CEP89: variants seen among roughly 807,000 people sequenced by gnomAD.
CEP89 encodes centrosomal protein of 89 kDa.
In CEP89, 95 loss-of-function variants were observed where a neutral mutation model predicts 97.6. The observed-to-expected ratio is 0.97, with a 90% CI of 0.82 to 1.15. The LOEUF (loss-of-function observed/expected upper bound fraction) is 1.15. Among genes scored for constraint, CEP89 ranks in the 50% most tolerant of loss-of-function variants. The pLI is 0.00. For missense variants in CEP89, 869 were observed against 947.7 expected (o/e 0.92, Z 1.09); for synonymous variants, 354 against 349.1 (o/e 1.01, Z -0.16).
rs570239931 is a variant in CEP89 at position 32,920,214 on chromosome 19, G to A, written c.1269-1875C>T. 2.3e-4 allele frequency among the ~76,000 whole-genome samples: 35 copies of A among 151,800 alleles called. 1 individual carries two copies. In the South Asian group the frequency reaches 7.1e-3, roughly 31 times the overall value. The stretch of plus-strand genomic sequence containing the variant: ...CATCACGCCCAGCTAATTTTTAATT[G>A]TTTTGTTTTTGTTTTTGTTTTTTTG... On this transcript the variant is annotated intron_variant, in intron 12 of 18. Transcript: ENST00000305768.
At position 32,953,762 on chromosome 19, in the gene CEP89, C is replaced by T. The variant is rs1282537842; in HGVS notation, c.345G>A (p.Leu115=). 6.2e-7 allele frequency: 1 copy of T among 1,613,886 alleles called. No individual in the cohort carries two copies. The highest frequency in any genetic ancestry group is 1.1e-5 in the South Asian group (1 of 91,074). The change falls in exon 4 of 19, where the codon TTG becomes TTA. Residue 115 remains leucine, a synonymous_variant. Coordinates refer to ENST00000305768, the MANE Select transcript of CEP89 (RefSeq NM_032816.5). ...CATAGTCCAGTGTTTCAAAGGATGG[C>T]AAAGAAGATCTTCTTCCCATCTCAC... is the stretch of plus-strand genomic sequence containing the variant. The part of the protein sequence containing the change: ...WQSEMGRRSS[L]PSFETLDYGD...
At chr19:32,914,852 T>C (rs926636508) in intron 14 of CEP89, among the ~76,000 whole-genome samples, 2 of 151,850 alleles carry the variant, frequency 1.3e-5, no homozygotes, top group Admixed American at 6.6e-5. Flanking sequence ...TGAAACCCCG[T>C]CTCTACCAAA....
intron 5 of CEP89, 78 bp downstream of exon 5, chr19:32,948,188 G>T: frequency 1.3e-6 from 1 of 768,426 alleles, no homozygotes; most frequent in Non-Finnish European, 2.1e-6. Context: ...CAATGGGTAT[G>T]TTTTCCTAAA....
chr19:32,919,496 C>T (rs541544562), intron 12 of CEP89, among the ~76,000 whole-genome samples: 1 of 152,308 alleles, frequency 6.6e-6, no homozygotes, highest in East Asian at 1.9e-4. Flanking sequence ...GTGGCCCCAA[C>T]AGTGGTGTGC....
rs1599778389 is a variant in CEP89, at chr19:32,958,015, C to T, written c.305+1885G>A. ...TGTGTCAAAACAAAACAAAAAAATC[C>T]CCCCCCCGCCAAAAAATAAAATACA... On this transcript the variant is annotated intron_variant, in intron 3 of 18. Transcript: ENST00000305768. Among the ~76,000 whole-genome samples the T allele has an allele frequency of 1.3e-5, 2 of 148,474 alleles. 1 individual carries two copies. Among genetic ancestry groups the T allele is most frequent in the South Asian group, 4.2e-4 (2 of 4,718 alleles).
chr19:32,942,825 G>T (rs963527397), intron 5 of CEP89, among the ~76,000 whole-genome samples: 7 of 151,542 alleles, frequency 4.6e-5, no homozygotes, highest in Non-Finnish European at 7.4e-5. Context: ...TGCATACAAG[G>T]TGTCATGCTG....
Position 32,890,525 on chromosome 19 carries a change from G to A in CEP89, c.1876-2684C>T, listed in dbSNP as rs539903300. On this transcript the variant is annotated intron_variant, in intron 16 of 18. Coordinates refer to ENST00000305768, the MANE Select transcript of CEP89 (RefSeq NM_032816.5). ...CCAAAACAGGAGTCAGTCATCGCACGGAGAACATCTAACGGAGACCACGGG... is the reference window on the plus strand; with the variant it reads ...CCAAAACAGGAGTCAGTCATCGCACAGAGAACATCTAACGGAGACCACGGG... Among the ~76,000 whole-genome samples, 13 of 152,294 alleles carry A rather than the reference G, an allele frequency of 8.5e-5. No homozygotes were observed. In the South Asian group the frequency reaches 1.9e-3, roughly 22 times the overall value.
At chr19:32,893,047 T>C (rs1969566809) in intron 16 of CEP89, among the ~76,000 whole-genome samples, 1 of 151,938 alleles carries the variant, frequency 6.6e-6, no homozygotes, top group Non-Finnish European at 1.5e-5. Context: ...AATAGTAACC[T>C]TGAATGTAAA....
rs765726791 is a variant in CEP89, at chr19:32,948,312, A to G, written c.549T>C (p.Asp183=). Reference sequence around the variant, plus strand: ...GTGCAGGAGGGGAGCCTGGAAACCCATCTTGATGAGAAATATTTTCATCGT... The same window carrying G: ...GTGCAGGAGGGGAGCCTGGAAACCCGTCTTGATGAGAAATATTTTCATCGT... ...SEDDENISHQ[D]GFPGSPPAPQ... Residue 183 remains aspartate (D), a synonymous_variant, in exon 5 of 19, where the codon GAT becomes GAC. Transcript: ENST00000305768. 6.2e-7 allele frequency: 1 copy of G among 1,611,902 alleles called. No homozygotes were observed. Among genetic ancestry groups the G allele is most frequent in the South Asian group, 1.1e-5 (1 of 90,900 alleles).
At chr19:32,932,535 C>G (rs1970497774) in intron 8 of CEP89, among the ~76,000 whole-genome samples, 1 of 151,986 alleles carries the variant, frequency 6.6e-6, no homozygotes, top group African/African-American at 2.4e-5. Flanking sequence ...ATTGATTTAG[C>G]CCAATTATCA....
intron 8 of CEP89, among the ~76,000 whole-genome samples, chr19:32,931,933 G>A (rs910034280): frequency 6.6e-6 from 1 of 152,222 alleles, no homozygotes; most frequent in African/African-American, 2.4e-5. Flanking sequence ...TGTAATCCCA[G>A]CACTTTGGGA....
intron 2 of CEP89, chr19:32,963,568 A>T (rs1971213915): frequency 6.6e-6 from 1 of 152,182 alleles, no homozygotes. Flanking sequence ...CAGAAAGCAC[A>T]CTATCAGCAC....
At chr19:32,884,647 A>G (rs1047398021) in intron 17 of CEP89, among the ~76,000 whole-genome samples, 3 of 152,166 alleles carry the variant, frequency 2.0e-5, no homozygotes, top group Non-Finnish European at 4.4e-5. Context: ...TGGTGTGATC[A>G]TAGCTCACTA....
chr19:32,921,607 G>C (rs16967572), intron 12 of CEP89, among the ~76,000 whole-genome samples: 41,257 of 152,180 alleles, frequency 0.27, 5,877 homozygotes, highest in East Asian at 0.57. Context: ...AGGAAACGCA[G>C]ACAAGTTGGA....
intron 7 of CEP89, among the ~76,000 whole-genome samples, chr19:32,935,168 T>C (rs559321158): frequency 6.6e-6 from 1 of 151,044 alleles, no homozygotes; most frequent in Non-Finnish European, 1.5e-5. Flanking sequence ...GGAAGAGGGG[T>C]CCCCACGGAT....
At chr19:32,922,130 C>T (rs1970261709) in intron 12 of CEP89, among the ~76,000 whole-genome samples, 1 of 152,158 alleles carries the variant, frequency 6.6e-6, no homozygotes, top group Non-Finnish European at 1.5e-5. Context: ...GACATTGGTT[C>T]CTGCCCCTGA....
intron 7 of CEP89, chr19:32,937,243 C>G (rs1454905703): frequency 3.7e-6 from 1 of 273,538 alleles, no homozygotes; most frequent in Non-Finnish European, 7.0e-6. Flanking sequence ...GAGCAGAGCC[C>G]ATAACTGCAC....
At chr19:32,918,161 T>C (rs889991414) in intron 13 of CEP89, 63 bp downstream of exon 13, 2 of 1,327,910 alleles carry the variant, frequency 1.5e-6, no homozygotes, top group Non-Finnish European at 2.2e-6. Context: ...AGGAGAGAGA[T>C]AGAAGGGTAA....
chr19:32,931,001 T>TC (rs1169921736), intron 9 of CEP89, among the ~76,000 whole-genome samples: 1 of 152,174 alleles, frequency 6.6e-6, no homozygotes, highest in Non-Finnish European at 1.5e-5. Context: ...TCCTCTTGCC[T>TC]CAGCCTCCTG....
Sources: gnomAD v4.1 joint callset for allele counts (sites outside exome capture counted in the v4.1 genomes callset) on GRCh38, gnomAD v4.1.1 for gene constraint, MANE v1.5 for transcripts, NCBI Gene and HGNC (gene_info 2026-07-23, HGNC 2026-07-21) for gene names.